The following TANC2 variants were observed in gnomAD, a reference collection of about 807,000 sequenced individuals.
TANC2 encodes the protein protein TANC2.
TANC2 carries 26 observed loss-of-function variants against 210.5 expected under a neutral mutation model. The observed-to-expected ratio is 0.12, with a 90% CI of 0.09 to 0.17. The LOEUF (loss-of-function observed/expected upper bound fraction) is 0.17, where lower values mean the gene tolerates loss of function less well. Among genes scored for constraint, TANC2 ranks in the 10% least tolerant of loss-of-function variants. The pLI is 1.00. For synonymous variants in TANC2, 931 were observed against 967.1 expected (o/e 0.96, Z 0.69); for missense variants, 2,129 against 2,608.9 (o/e 0.82, Z 4.01).
At chr17:63,325,428 A>C (rs2045617611) in intron 11 of TANC2, among the ~76,000 whole-genome samples, 1 of 152,162 alleles carries the variant, frequency 6.6e-6, no homozygotes, top group African/African-American at 2.4e-5. Flanking sequence ...TTCATGTCTC[A>C]GCTTAAATAT....
At chr17:62,980,755 T>A in intron 1 of TANC2, among the ~76,000 whole-genome samples, 1 of 152,216 alleles carries the variant, frequency 6.6e-6, no homozygotes, top group East Asian at 1.9e-4. Context: ...CATTTTACTC[T>A]CCACCTACCA....
At chr17:63,341,618 A>G (rs1339833896) in intron 12 of TANC2, among the ~76,000 whole-genome samples, 1 of 152,248 alleles carries the variant, frequency 6.6e-6, no homozygotes, top group Non-Finnish European at 1.5e-5. Context: ...CTGAGGAGAC[A>G]GCTCTGCCAA....
chr17:63,335,868 G>A (rs1206854267), intron 11 of TANC2, among the ~76,000 whole-genome samples: 2 of 152,110 alleles, frequency 1.3e-5, no homozygotes, highest in African/African-American at 2.4e-5. Context: ...GCTGGATGAG[G>A]GATAAATAGA....
rs575962201 is a variant in TANC2 at position 63,138,031 on chromosome 17, C to G, written c.323-13239C>G. 4.6e-5 allele frequency among the ~76,000 whole-genome samples: 7 copies of G among 152,252 alleles called. No individual in the cohort carries two copies. In the South Asian group the frequency reaches 1.5e-3, roughly 32 times the overall value. On this transcript the variant is annotated intron_variant, in intron 4 of 27. Transcript: ENST00000689528. Reference sequence around the variant, plus strand: ...TAACTGCATATTCCAGCTTTCCTTGCACTTAAGTGTGTCACATGACTGAGC... The same window carrying G: ...TAACTGCATATTCCAGCTTTCCTTGGACTTAAGTGTGTCACATGACTGAGC...
chr17:63,316,122 A>C (rs936741203), intron 10 of TANC2, among the ~76,000 whole-genome samples: 1 of 152,224 alleles, frequency 6.6e-6, no homozygotes, highest in African/African-American at 2.4e-5. Flanking sequence ...TTGATCTTTC[A>C]GAATTGTCTC....
At chr17:63,045,227 G>A (rs945478783) in intron 2 of TANC2, among the ~76,000 whole-genome samples, 2 of 152,206 alleles carry the variant, frequency 1.3e-5, no homozygotes, top group African/African-American at 4.8e-5. Context: ...GTGACAGGGA[G>A]CATATGCTCT....
chr17:63,183,266 A>G (rs1598551382), intron 5 of TANC2, among the ~76,000 whole-genome samples: 1 of 152,382 alleles, frequency 6.6e-6, no homozygotes, highest in East Asian at 1.9e-4. Context: ...CATTGCCAGC[A>G]TAAATCTTCC....
At chr17:63,382,156 A>G (rs772979694) in intron 15 of TANC2, among the ~76,000 whole-genome samples, 7 of 152,210 alleles carry the variant, frequency 4.6e-5, no homozygotes, top group Non-Finnish European at 1.0e-4. Flanking sequence ...TAAAGCTAGT[A>G]TTCCAAATCC....
intron 11 of TANC2, among the ~76,000 whole-genome samples, chr17:63,335,952 A>C (rs2046012444): frequency 6.6e-6 from 1 of 152,072 alleles, no homozygotes; most frequent in Non-Finnish European, 1.5e-5. Context: ...AAAAATAAAT[A>C]AAAGTCCTAC....
chr17:62,991,244 A>G (rs917799079), intron 1 of TANC2, among the ~76,000 whole-genome samples: 10 of 152,192 alleles, frequency 6.6e-5, no homozygotes, highest in Non-Finnish European at 1.0e-4. Context: ...GATGAATTTT[A>G]TGCATGTTTT....
exon 9 of TANC2, chr17:63,267,815 T>G (rs750060133): frequency 1.4e-5 from 22 of 1,613,172 alleles, no homozygotes; most frequent in Non-Finnish European, 1.8e-5. Context: ...CTTTGAGAAC[T>G]TCTCTACGAA....
intron 4 of TANC2, chr17:63,117,190 T>A (rs553993540): frequency 6.6e-6 from 1 of 152,356 alleles, no homozygotes; most frequent in East Asian, 1.9e-4. Flanking sequence ...CCTTCCTTGT[T>A]ACTCCTGAAT....
At chr17:63,302,201 G>A (rs2044741787) in intron 9 of TANC2, among the ~76,000 whole-genome samples, 1 of 152,174 alleles carries the variant, frequency 6.6e-6, no homozygotes, top group Non-Finnish European at 1.5e-5. Flanking sequence ...TTCCAATTAT[G>A]TGGCTGATTT....
chr17:63,122,524 G>A (rs1020570080), intron 4 of TANC2, among the ~76,000 whole-genome samples: 3 of 152,130 alleles, frequency 2.0e-5, no homozygotes, highest in African/African-American at 7.2e-5. Flanking sequence ...ATTACTTGAG[G>A]TCAGGAGTTT....
intron 11 of TANC2, among the ~76,000 whole-genome samples, chr17:63,331,642 C>A (rs1002748877): frequency 2.6e-5 from 4 of 152,146 alleles, no homozygotes; most frequent in Non-Finnish European, 5.9e-5. Flanking sequence ...ACAAAAAGAT[C>A]TGGGTTTTTC....
At chr17:63,253,333 G>C (rs992849098) in intron 8 of TANC2, among the ~76,000 whole-genome samples, 1 of 152,034 alleles carries the variant, frequency 6.6e-6, no homozygotes, top group Non-Finnish European at 1.5e-5. Context: ...TATACATTCT[G>C]CTTATTAATC....
At chr17:63,132,291 T>C (rs2038946975) in intron 4 of TANC2, among the ~76,000 whole-genome samples, 1 of 152,096 alleles carries the variant, frequency 6.6e-6, no homozygotes, top group African/African-American at 2.4e-5. Flanking sequence ...TAGAGCAATA[T>C]ATTTTATTTA....
chr17:63,193,794 T>C (rs1384901984), intron 5 of TANC2, 197 bp from the exon 6 acceptor site: 1 of 521,888 alleles, frequency 1.9e-6, no homozygotes, highest in African/African-American at 2.0e-5. Context: ...CTCATTTTTA[T>C]TTGATTCGTG....
At chr17:63,391,724 C>T (rs1312778598) in intron 17 of TANC2, 2 of 146,004 alleles carry the variant, frequency 1.4e-5, no homozygotes, top group Non-Finnish European at 3.1e-5. Context: ...CAATAATAAA[C>T]CTTTTTTTTT....
Sources: allele counts gnomAD v4.1 joint callset (sites outside exome capture counted in the v4.1 genomes callset), GRCh38; gene constraint gnomAD v4.1.1; transcripts MANE v1.5; gene names NCBI Gene and HGNC (gene_info 2026-07-23, HGNC 2026-07-21).